Variants in TMEM164 observed in about 807,000 individuals in gnomAD.
TMEM164 encodes the protein RP13-360B22.2.
In TMEM164, 4 loss-of-function variants were observed where a neutral mutation model predicts 18.8. The ratio of observed to expected loss-of-function variants is 0.21; its 90% CI spans 0.10 to 0.49. The LOEUF (loss-of-function observed/expected upper bound fraction) is 0.49. Among genes scored for constraint, TMEM164 ranks in the 20% least tolerant of loss-of-function variants. The pLI is 0.98. For missense variants in TMEM164, 108 were observed against 239.9 expected, an observed-to-expected ratio of 0.45 and a Z score of 3.63; for synonymous variants, 86 against 101.7, an observed-to-expected ratio of 0.85 and a Z score of 0.93.
intron 4 of TMEM164, among the ~76,000 whole-genome samples, chrX:110,110,635 G>C (rs2066278512): frequency 8.9e-6 from 1 of 112,122 alleles, no homozygotes; most frequent in Non-Finnish European, 1.9e-5. Context: ...CAACTGAAGG[G>C]CTTGTTAAAC....
intron 4 of TMEM164, among the ~76,000 whole-genome samples, chrX:110,122,534 C>T (rs1240405476): frequency 9.3e-6 from 1 of 107,829 alleles, no homozygotes; most frequent in Non-Finnish European, 1.9e-5. Context: ...ATGTAACCTG[C>T]ACATTGTGCA....
chrX:110,031,917 A>G (rs1225155717), intron 2 of TMEM164, among the ~76,000 whole-genome samples: 1 of 108,845 alleles, frequency 9.2e-6, no homozygotes, highest in East Asian at 2.8e-4. Context: ...CATGTGCACA[A>G]TGTGCAGGTT....
intron 2 of TMEM164, among the ~76,000 whole-genome samples, chrX:110,030,954 G>A (rs1215669977): frequency 9.0e-6 from 1 of 111,124 alleles, no homozygotes; most frequent in Non-Finnish European, 1.9e-5. Flanking sequence ...TGTGCAGAAC[G>A]TGTAGGTTTG....
At chrX:110,112,467 T>G (rs2066304211) in intron 4 of TMEM164, among the ~76,000 whole-genome samples, 1 of 111,556 alleles carries the variant, frequency 9.0e-6, no homozygotes, top group Admixed American at 9.5e-5. Context: ...CTGTAGTGAT[T>G]TATGATCATG....
intron 2 of TMEM164, among the ~76,000 whole-genome samples, chrX:110,064,735 G>A (rs1385723588): frequency 3.6e-5 from 4 of 110,441 alleles, no homozygotes; most frequent in Admixed American, 9.7e-5. Flanking sequence ...CCAGCACTTT[G>A]GTAGGCTGAG....
intron 5 of TMEM164, among the ~76,000 whole-genome samples, chrX:110,169,707 T>C (rs753752616): frequency 2.2e-4 from 25 of 112,113 alleles, no homozygotes; most frequent in Non-Finnish European, 4.1e-4. Flanking sequence ...GTCGCCAACA[T>C]TGGAAAATCA....
At position 110,120,110 on chromosome X, in the gene TMEM164, A is replaced by G. The variant is rs557277506; in HGVS notation, c.507+10964A>G. Among the ~76,000 whole-genome samples, 5 of 112,222 alleles carry G rather than the reference A, an allele frequency of 4.5e-5. No individual in the cohort carries two copies. The South Asian group carries it at 1.8e-3, about 41-fold the overall frequency. On this transcript the variant is annotated intron_variant, in intron 4 of 6. Transcript: ENST00000372068. Reference sequence around the variant, plus strand: ...TTGGGTTTTCAAATAAAATGTCCAGACCTTTTAGGTTTGTCAGTAGGCCCA... The same window carrying G: ...TTGGGTTTTCAAATAAAATGTCCAGGCCTTTTAGGTTTGTCAGTAGGCCCA...
At chrX:110,036,270 T>C (rs73636934) in intron 2 of TMEM164, among the ~76,000 whole-genome samples, 4,392 of 111,653 alleles carry the variant, frequency 0.039, 214 homozygotes, top group African/African-American at 0.14. Context: ...AAATTCTACT[T>C]ATTCTTTAGG....
At chrX:110,123,747 G>A (rs759914948) in intron 4 of TMEM164, among the ~76,000 whole-genome samples, 1 of 112,261 alleles carries the variant, frequency 8.9e-6, no homozygotes, top group East Asian at 2.8e-4. Context: ...GGAGGCTCAG[G>A]AGGAAGGATC....
intron 2 of TMEM164, among the ~76,000 whole-genome samples, chrX:110,006,666 G>A (rs1932747968): frequency 8.9e-6 from 1 of 111,735 alleles, no homozygotes; most frequent in Non-Finnish European, 1.9e-5. Context: ...ATGATAGTAT[G>A]TATACCCAGA....
chrX:110,113,700 G>A (rs2066323150), intron 4 of TMEM164, among the ~76,000 whole-genome samples: 3 of 111,110 alleles, frequency 2.7e-5, no homozygotes, highest in African/African-American at 9.8e-5. Context: ...GGCCCTCAGT[G>A]AATTTCCATG....
intron 4 of TMEM164, among the ~76,000 whole-genome samples, chrX:110,140,300 C>G (rs1314231750): frequency 1.8e-5 from 2 of 111,682 alleles, no homozygotes; most frequent in African/African-American, 6.5e-5. Flanking sequence ...TTAGAAACAT[C>G]TGTGAGGCAC....
rs140796343 is a variant in TMEM164, at chrX:110,060,266, G to GAAAA, written c.391-7066_391-7063dup. On this transcript the variant is annotated intron_variant, in intron 2 of 6. Coordinates refer to ENST00000372068, the MANE Select transcript of TMEM164 (RefSeq NM_032227.4). ...TGGGTGACAAACCAAGACCCTGTCT[G>GAAAA]AAAAAAAAAAAAAAAAAAGAAAAGA... 4.4e-3 allele frequency among the ~76,000 whole-genome samples: 227 copies of GAAAA among 51,348 alleles called. 3 individuals are homozygous for GAAAA. The highest frequency in any genetic ancestry group is 6.1e-3 in the Non-Finnish European group (184 of 29,979). The allele number at this position is 51,348 out of a possible 115,157, so 44.6% of individuals were successfully genotyped here.
chrX:110,120,302 C>T (rs985840578), intron 4 of TMEM164, among the ~76,000 whole-genome samples: 1 of 111,630 alleles, frequency 9.0e-6, no homozygotes, highest in African/African-American at 3.3e-5. Flanking sequence ...TCTTCTGTCT[C>T]CACCTTGAGC....
chrX:110,078,866 AT>A (rs964635110), intron 3 of TMEM164, among the ~76,000 whole-genome samples: 4 of 112,024 alleles, frequency 3.6e-5, no homozygotes, highest in Admixed American at 1.9e-4. Context: ...TAAGTATATA[AT>A]ATGAGGAGAT....
intron 2 of TMEM164, among the ~76,000 whole-genome samples, chrX:110,027,336 A>T (rs1430043314): frequency 8.9e-6 from 1 of 111,988 alleles, no homozygotes; most frequent in Non-Finnish European, 1.9e-5. Context: ...GTGGTCAATT[A>T]TACTGATTGA....
chrX:110,122,574 T>TAATAC (rs1556011438), intron 4 of TMEM164, among the ~76,000 whole-genome samples: 1 of 110,002 alleles, frequency 9.1e-6, no homozygotes, highest in Non-Finnish European at 1.9e-5. Flanking sequence ...AGTATAATAA[T>TAATAC]AATAAAATAA....
chrX:110,098,064 G>GT (rs767134494), intron 3 of TMEM164, among the ~76,000 whole-genome samples: 49 of 111,826 alleles, frequency 4.4e-4, no homozygotes, highest in Admixed American at 1.0e-3. Context: ...CCTTTAGTGT[G>GT]ACACCCAGAT....
rs938363019 is a variant in TMEM164 at position 110,175,117 on chromosome X, C to A, written c.*1666C>A. ...TTACTCTCCTGAGCTCCTTTTGATGCGTAAGCTTTGTTTTTGGCCCTCTTT... is the reference window on the plus strand; with the variant it reads ...TTACTCTCCTGAGCTCCTTTTGATGAGTAAGCTTTGTTTTTGGCCCTCTTT... On this transcript the variant is annotated 3_prime_UTR_variant, in exon 7 of 7. Coordinates refer to ENST00000372068, the MANE Select transcript of TMEM164 (RefSeq NM_032227.4). The A allele has an allele frequency of 1.8e-5, 2 of 112,501 alleles. No individual in the cohort carries two copies. The highest frequency in any genetic ancestry group is 2.8e-4 in the East Asian group (1 of 3,561). 9.3% of individuals were successfully genotyped at this position (112,501 alleles called of 1,213,427 possible). A position where few individuals can be genotyped will look rare whatever the true frequency, so the allele number is the denominator to read the frequency against.
Sources: allele counts gnomAD v4.1 joint callset (sites outside exome capture counted in the v4.1 genomes callset), GRCh38; gene constraint gnomAD v4.1.1; transcripts MANE v1.5; gene names NCBI Gene and HGNC (gene_info 2026-07-23, HGNC 2026-07-21).